The following RP1 variants were observed in gnomAD, a reference collection of about 807,000 sequenced individuals.
RP1 encodes the protein RP1 axonemal microtubule associated.
A neutral mutation model predicts 14.8 loss-of-function variants in RP1; 16 were observed. The observed-to-expected ratio is 1.08, with a 90% CI of 0.73 to 1.65. RP1 has a LOEUF of 1.65. RP1 is among the 40% of genes most tolerant of loss of function. RP1 has a pLI of 0.00. For synonymous variants in RP1, 876 were observed against 883.6 expected (o/e 0.99, Z 0.15); for missense variants, 2,631 against 2,535.0 (o/e 1.04, Z -0.81).
chr8:54,728,772 T>A (rs1465733286), intron 17 of RP1, among the ~76,000 whole-genome samples: 1 of 152,110 alleles, frequency 6.6e-6, no homozygotes, highest in African/African-American at 2.4e-5. Context: ...GGTGGTGGGG[T>A]TGAGGAAGGA....
chr8:54,670,532 T>TAC lies in RP1; in HGVS notation c.1324-3316_1324-3315dup, dbSNP rs1382740478. 7.2e-5 allele frequency among the ~76,000 whole-genome samples: 9 copies of TAC among 125,780 alleles called. 1 individual carries two copies. Among genetic ancestry groups the TAC allele is most frequent in the African/African-American group, 8.7e-5 (3 of 34,290 alleles). 82.5% of individuals were successfully genotyped at this position (125,780 alleles called of 152,430 possible). A position where few individuals can be genotyped will look rare whatever the true frequency, so the allele number is the denominator to read the frequency against. ...ACATATATATGTATGTGTATATATA[T>TAC]ACATATATATGTATGTATATGTATA... On this transcript the variant is annotated intron_variant, in intron 7 of 22. Coordinates refer to the RP1 transcript ENST00000636932.
intron 8 of RP1, among the ~76,000 whole-genome samples, chr8:54,676,771 C>A (rs1463229718): frequency 6.6e-6 from 1 of 152,194 alleles, no homozygotes; most frequent in Non-Finnish European, 1.5e-5. Flanking sequence ...TACTAACTTA[C>A]AAAGTATTGT....
intron 3 of RP1, among the ~76,000 whole-genome samples, chr8:54,647,134 G>T (rs906489381): frequency 1.6e-4 from 24 of 152,144 alleles, no homozygotes; most frequent in African/African-American, 5.8e-4. Flanking sequence ...AAACAGGCCA[G>T]GTGCAGTGGC....
chr8:54,652,696 T>C, intron 4 of RP1: 1 of 868,898 alleles, frequency 1.2e-6, no homozygotes, highest in Non-Finnish European at 1.8e-6. Context: ...GACCCCTTTA[T>C]CAACATTTCA....
chr8:54,824,633 C>G (rs901184476), intron 24 of RP1, among the ~76,000 whole-genome samples: 2 of 152,166 alleles, frequency 1.3e-5, no homozygotes, highest in Admixed American at 1.3e-4. Flanking sequence ...GACTAATTTT[C>G]CTCATGAGTA....
chr8:54,835,024 C>T (rs771625571), intron 24 of RP1, among the ~76,000 whole-genome samples: 13 of 152,092 alleles, frequency 8.5e-5, no homozygotes, highest in Non-Finnish European at 1.3e-4. Context: ...AACTTATTTA[C>T]CATTTATTGA....
At chr8:54,635,850 A>G (rs1806336925) in intron 3 of RP1, among the ~76,000 whole-genome samples, 1 of 152,002 alleles carries the variant, frequency 6.6e-6, no homozygotes, top group Admixed American at 6.6e-5. Flanking sequence ...CCCATCTACA[A>G]CCCCCACAAG....
intron 1 of RP1, among the ~76,000 whole-genome samples, chr8:54,561,460 CAG>C (rs1262854450): frequency 6.6e-6 from 1 of 152,090 alleles, no homozygotes; most frequent in Admixed American, 6.6e-5. Context: ...AGCAACATAA[CAG>C]AGCAAAAACA....
chr8:54,696,504 T>TC (rs1807866229), intron 12 of RP1: 2 of 885,584 alleles, frequency 2.3e-6, no homozygotes, highest in Non-Finnish European at 3.7e-6. Context: ...CAGGCACTTT[T>TC]GGCAAAGAAG....
At position 54,603,105 on chromosome 8, in the gene RP1, G is replaced by C. The variant is rs575430036; in HGVS notation, c.-12-17850G>C. On this transcript the variant is annotated intron_variant, in intron 1 of 22. Coordinates refer to the RP1 transcript ENST00000636932. ...GCTTTTGATGTTTTAGACATGAAGT[G>C]CTTGCCCATGCCTATGTCCTGAATG... Among the ~76,000 whole-genome samples the C allele has an allele frequency of 1.3e-3, 202 of 152,174 alleles. 1 individual carries two copies. Among genetic ancestry groups the C allele is most frequent in the African/African-American group, 3.8e-3 (156 of 41,542 alleles).
intron 24 of RP1, among the ~76,000 whole-genome samples, chr8:54,786,849 T>C (rs932955199): frequency 6.6e-6 from 1 of 152,144 alleles, no homozygotes; most frequent in African/African-American, 2.4e-5. Flanking sequence ...TGGCCCAATA[T>C]AAATTTGGAT....
chr8:54,775,938 T>A (rs1169277750), intron 23 of RP1, among the ~76,000 whole-genome samples: 1 of 152,170 alleles, frequency 6.6e-6, no homozygotes, highest in Non-Finnish European at 1.5e-5. Context: ...ACTCAGGAAT[T>A]GTTAGCAAAT....
rs144852838 is a variant in RP1 at position 54,628,681 on chromosome 8, G to A, written c.4799G>A (p.Ser1600Asn). 3.7e-5 allele frequency: 60 copies of A among 1,614,066 alleles called. No homozygotes were observed. The African/African-American group carries it at 6.3e-4, about 17-fold the overall frequency. Residue 1600 changes from serine (S) to asparagine (N), a missense_variant, in exon 4 of 4, where the codon AGT (serine) becomes AAT (asparagine). Physicochemically the swap from Ser to Asn is conservative, Grantham distance 46 (BLOSUM62 1). Coordinates refer to ENST00000220676, the MANE Select transcript of RP1 (RefSeq NM_006269.2). ...TCAGACTATCGGCCTGACAGTGACA[G>A]TGAGCAGCCATATAAAACATCCAGT... ...DWSDYRPDSD[S>N]EQPYKTSSDD...
chr8:54,563,667 T>A (rs533005533), intron 1 of RP1, among the ~76,000 whole-genome samples: 1 of 152,152 alleles, frequency 6.6e-6, no homozygotes, highest in Admixed American at 6.5e-5. Context: ...TCCCTCAGCC[T>A]CCTGAGTAGC....
At position 54,626,038 on chromosome 8, in the gene RP1, G is replaced by C. The variant is rs759758597; in HGVS notation, c.2156G>C (p.Ser719Thr). The C allele has an allele frequency of 1.2e-6, 2 of 1,613,824 alleles. No homozygotes were observed. The highest frequency in any genetic ancestry group is 3.3e-5 in the Admixed American group (2 of 60,004). ...GAAATGATAGTGCAAGATTCAGATA[G>C]TCCCCTTAAAGGAGGGATACTTTGT... ...TKEMIVQDSDSPLKGGILCEE... is the reference protein window; with the variant it reads ...TKEMIVQDSDTPLKGGILCEE... The change falls in exon 4 of 4, where the codon AGT (serine) becomes ACT (threonine). Residue 719 changes from serine (S) to threonine (T), a missense_variant. Coordinates refer to ENST00000220676, the MANE Select transcript of RP1 (RefSeq NM_006269.2).
intron 13 of RP1, among the ~76,000 whole-genome samples, chr8:54,700,326 A>G (rs1030865472): frequency 6.6e-6 from 1 of 151,954 alleles, no homozygotes; most frequent in African/African-American, 2.4e-5. Context: ...TTCCTGCCTC[A>G]GCCTCCCAAA....
rs1806228026 is a variant in RP1, at chr8:54,630,612, T to TTC, written c.*260_*261insCT. The TTC allele has an allele frequency of 7.3e-6, 9 of 1,234,976 alleles. No homozygotes were observed. In the South Asian group the frequency reaches 1.5e-4, roughly 21 times the overall value. The allele number at this position is 1,234,976 out of a possible 1,614,324, so 76.5% of individuals were successfully genotyped here. A position where few individuals can be genotyped will look rare whatever the true frequency, so the allele number is the denominator to read the frequency against. On this transcript the variant is annotated 3_prime_UTR_variant, in exon 4 of 4. Transcript: ENST00000220676. ...GTTCTGAACTTACATTTTTTTTTTT[T>TTC]TTGGTATCTATGATTTTTTTTGCTC... is the stretch of plus-strand genomic sequence containing the variant.
At chr8:54,574,727 A>C (rs1804605989) in intron 1 of RP1, among the ~76,000 whole-genome samples, 1 of 150,100 alleles carries the variant, frequency 6.7e-6, no homozygotes, top group South Asian at 2.1e-4. Context: ...AAAAAAAACC[A>C]CTCCAGAGTT....
At chr8:54,796,893 A>G (rs1326381718) in intron 24 of RP1, among the ~76,000 whole-genome samples, 1 of 152,206 alleles carries the variant, frequency 6.6e-6, no homozygotes, top group Non-Finnish European at 1.5e-5. Context: ...TAAATTTGCC[A>G]ACAAAGAGGA....
Sources: allele counts gnomAD v4.1 joint callset (sites outside exome capture counted in the v4.1 genomes callset), GRCh38; gene constraint gnomAD v4.1.1; transcripts MANE v1.5; gene names NCBI Gene and HGNC (gene_info 2026-07-23, HGNC 2026-07-21).